LHFPL3: variants seen among roughly 807,000 people sequenced by gnomAD.
LHFPL3 encodes LHFPL tetraspan subfamily member 3.
In LHFPL3, 5 loss-of-function variants were observed where a neutral mutation model predicts 19.3. The observed-to-expected ratio is 0.26, with a 90% CI of 0.14 to 0.54. The LOEUF is 0.54. LHFPL3 is among the 20% of genes least tolerant of loss of function. The probability of loss-of-function intolerance (pLI) is 0.94; values close to 1 mark genes in which losing one functional copy is unlikely to be tolerated. For missense variants in LHFPL3, 249 were observed against 307.4 expected (o/e 0.81, Z 1.42); for synonymous variants, 133 against 126.2 (o/e 1.05, Z -0.36).
At chr7:104,376,130 G>C (rs1275628964) in intron 1 of LHFPL3, among the ~76,000 whole-genome samples, 1 of 152,162 alleles carries the variant, frequency 6.6e-6, no homozygotes, top group African/African-American at 2.4e-5. Flanking sequence ...ATGTGGGGAA[G>C]AACATGAACA....
chr7:104,736,836 C>T lies in LHFPL3; in HGVS notation c.607C>T (p.Leu203Phe). The T allele has an allele frequency of 6.2e-7, 1 of 1,612,966 alleles. No individual in the cohort carries two copies. The highest frequency in any genetic ancestry group is 1.7e-5 in the Admixed American group (1 of 59,882). ...AIIGILDALI[L>F]SFLAFVLGNR... is the part of the protein sequence containing the mutation. ...TATTGGAATTTTGGATGCCCTGATC[C>T]TCTCATTTCTAGCATTTGTGCTTGG... Residue 203 changes from leucine to phenylalanine, a missense_variant, in exon 2 of 3, where the codon CTC becomes TTC. Leu to Phe is a conservative substitution (Grantham distance 22). Transcript: ENST00000424859.
rs188727235 is a variant in LHFPL3 at position 104,443,104 on chromosome 7, G to T, written c.445+113880G>T. On this transcript the variant is annotated intron_variant, in intron 1 of 2. Coordinates refer to ENST00000424859, the MANE Select transcript of LHFPL3 (RefSeq NM_199000.3). ...CAGGACCCCATTTTCAAAAAGTGTG[G>T]TTGGGACAGCTTAAGGAGACAAAGA... Among the ~76,000 whole-genome samples the T allele has an allele frequency of 1.6e-3, 242 of 152,244 alleles. 1 individual carries two copies. The highest frequency in any genetic ancestry group is 2.6e-3 in the African/African-American group (108 of 41,544).
intron 1 of LHFPL3, among the ~76,000 whole-genome samples, chr7:104,563,382 T>C (rs1314922401): frequency 2.0e-5 from 3 of 152,308 alleles, no homozygotes; most frequent in African/African-American, 4.8e-5. Flanking sequence ...TATAATCTCG[T>C]GGTGCACCGT....
At chr7:104,537,151 G>A (rs1352835749) in intron 1 of LHFPL3, among the ~76,000 whole-genome samples, 1 of 152,164 alleles carries the variant, frequency 6.6e-6, no homozygotes, top group Non-Finnish European at 1.5e-5. Context: ...TCCTGCAAAT[G>A]GTTGGCTCTC....
intron 2 of LHFPL3, among the ~76,000 whole-genome samples, chr7:104,758,766 C>A (rs1198236800): frequency 6.6e-6 from 1 of 151,996 alleles, no homozygotes; most frequent in African/African-American, 2.4e-5. Context: ...GTAATCAGTC[C>A]TAGGTACACA....
intron 1 of LHFPL3, among the ~76,000 whole-genome samples, chr7:104,700,086 C>T (rs1793073851): frequency 1.3e-5 from 2 of 152,198 alleles, no homozygotes; most frequent in African/African-American, 4.8e-5. Context: ...CTGGGAAGCC[C>T]ACCATCCAAC....
intron 1 of LHFPL3, among the ~76,000 whole-genome samples, chr7:104,495,600 G>A (rs779997790): frequency 8.5e-5 from 13 of 152,120 alleles, no homozygotes; most frequent in East Asian, 1.9e-4. Flanking sequence ...AGCCAGGATG[G>A]TCTCCATCTC....
chr7:104,495,540 C>T (rs899045731), intron 1 of LHFPL3, among the ~76,000 whole-genome samples: 9 of 152,176 alleles, frequency 5.9e-5, no homozygotes, highest in Non-Finnish European at 1.0e-4. Flanking sequence ...CCTGCCACCA[C>T]GCTTGGCTAA....
At chr7:104,589,625 A>G (rs141742406) in intron 1 of LHFPL3, among the ~76,000 whole-genome samples, 17 of 152,268 alleles carry the variant, frequency 1.1e-4, no homozygotes, top group Non-Finnish European at 2.4e-4. Flanking sequence ...TGTTGGCCTC[A>G]TAAAATGAGT....
At chr7:104,745,914 A>G (rs1360582275) in intron 2 of LHFPL3, among the ~76,000 whole-genome samples, 1 of 152,174 alleles carries the variant, frequency 6.6e-6, no homozygotes, top group Non-Finnish European at 1.5e-5. Flanking sequence ...GATAAAACAA[A>G]TGTCCCCTCT....
intron 2 of LHFPL3, among the ~76,000 whole-genome samples, chr7:104,753,704 GA>G (rs980583007): frequency 5.7e-5 from 8 of 141,098 alleles, no homozygotes; most frequent in Admixed American, 2.1e-4. Context: ...GAATCAATAA[GA>G]AAAAAAAAAG....
At chr7:104,436,243 T>C (rs897111386) in intron 1 of LHFPL3, among the ~76,000 whole-genome samples, 3 of 152,212 alleles carry the variant, frequency 2.0e-5, no homozygotes, top group Admixed American at 1.3e-4. Context: ...TTTTAAAGTT[T>C]TGTAAGTGGT....
intron 1 of LHFPL3, among the ~76,000 whole-genome samples, chr7:104,662,414 C>T (rs1792242172): frequency 1.3e-5 from 2 of 152,142 alleles, no homozygotes; most frequent in South Asian, 4.1e-4. Flanking sequence ...TATGCAAGTG[C>T]TATTATTATT....
chr7:104,675,072 A>T (rs1792565987), intron 1 of LHFPL3, among the ~76,000 whole-genome samples: 1 of 152,362 alleles, frequency 6.6e-6, no homozygotes, highest in Non-Finnish European at 1.5e-5. Flanking sequence ...AAGTAAGTAA[A>T]TGTATGTGTC....
Position 104,536,931 on chromosome 7 carries a change from T to C in LHFPL3, c.446-199744T>C, listed in dbSNP as rs573478884. Among the ~76,000 whole-genome samples, 41 of 152,356 alleles carry C rather than the reference T, an allele frequency of 2.7e-4. No homozygotes were observed. In the South Asian group the frequency reaches 8.5e-3, roughly 32 times the overall value. Reference sequence around the variant, plus strand: ...ATTTCATCCTCCTTCTCCTATATTCTTTCCTATAGTCCTTATACATCAATG... The same window carrying C: ...ATTTCATCCTCCTTCTCCTATATTCCTTCCTATAGTCCTTATACATCAATG... On this transcript the variant is annotated intron_variant, in intron 1 of 2. Coordinates refer to ENST00000424859, the MANE Select transcript of LHFPL3 (RefSeq NM_199000.3).
At chr7:104,433,748 G>A (rs1323135889) in intron 1 of LHFPL3, among the ~76,000 whole-genome samples, 1 of 152,088 alleles carries the variant, frequency 6.6e-6, no homozygotes, top group Non-Finnish European at 1.5e-5. Flanking sequence ...TTTAAGACCA[G>A]TCTCTTTCTC....
intron 2 of LHFPL3, among the ~76,000 whole-genome samples, chr7:104,755,839 G>T (rs1282855236): frequency 2.6e-5 from 4 of 152,130 alleles, no homozygotes; most frequent in Admixed American, 1.3e-4. Flanking sequence ...GGGATTATAG[G>T]CATGCGCCAC....
At chr7:104,454,475 C>A (rs1468422493) in intron 1 of LHFPL3, among the ~76,000 whole-genome samples, 1 of 152,120 alleles carries the variant, frequency 6.6e-6, no homozygotes, top group Non-Finnish European at 1.5e-5. Context: ...CCTTGCCTGC[C>A]ACAAACTGTA....
At chr7:104,372,728 T>G (rs1790638536) in intron 1 of LHFPL3, among the ~76,000 whole-genome samples, 1 of 152,234 alleles carries the variant, frequency 6.6e-6, no homozygotes, top group Admixed American at 6.5e-5. Flanking sequence ...TTGTGAATTT[T>G]TAAGTATTAC....
Sources: allele counts gnomAD v4.1 joint callset (sites outside exome capture counted in the v4.1 genomes callset), GRCh38; gene constraint gnomAD v4.1.1; transcripts MANE v1.5; gene names NCBI Gene and HGNC (gene_info 2026-07-23, HGNC 2026-07-21).